Variants in USE1 observed in about 807,000 individuals in gnomAD.
USE1 encodes unconventional SNARE in the ER 1.
USE1 carries 32 observed loss-of-function variants against 37.6 expected under a neutral mutation model. The ratio of observed to expected loss-of-function variants is 0.85; its 90% CI spans 0.64 to 1.14. The LOEUF (loss-of-function observed/expected upper bound fraction) is 1.14. Among genes scored for constraint, USE1 ranks in the 50% most tolerant of loss-of-function variants. USE1 has a pLI of 0.00. For missense variants in USE1, 310 were observed against 332.2 expected, an observed-to-expected ratio of 0.93 and a Z score of 0.52; for synonymous variants, 149 against 137.6, an observed-to-expected ratio of 1.08 and a Z score of -0.58.
rs775944547 is a variant in USE1 at position 17,215,452 on chromosome 19, G to C, written c.47G>C (p.Arg16Pro). 18 of 1,563,190 alleles carry C rather than the reference G, an allele frequency of 1.2e-5. No individual in the cohort carries two copies. ...LELNLVRLLSRCEAMAAEKRD... is the reference protein window; with the variant it reads ...LELNLVRLLSPCEAMAAEKRD... ...CTAAACCTGGTGCGGCTGCTATCCCGCTGCGAGGCGATGGCAGCGGAGAAA... is the reference window on the plus strand; with the variant it reads ...CTAAACCTGGTGCGGCTGCTATCCCCCTGCGAGGCGATGGCAGCGGAGAAA... The change falls in exon 1 of 8, where the codon CGC (arginine) becomes CCC (proline). Residue 16 changes from arginine to proline, a missense_variant. Transcript: ENST00000263897.
Position 17,215,474 on chromosome 19 carries a change from G to A in USE1, c.69G>A (p.Glu23=), listed in dbSNP as rs767768753. The A allele has an allele frequency of 6.4e-7, 1 of 1,564,526 alleles. No individual in the cohort carries two copies. Among genetic ancestry groups the A allele is most frequent in the Non-Finnish European group, 8.6e-7 (1 of 1,156,124 alleles). ...LLSRCEAMAA[E]KRDPDEWRLE... ...CCCGCTGCGAGGCGATGGCAGCGGA[G>A]AAACGGGACCCGGACGAGTGGCGCC... The change falls in exon 1 of 8, where the codon GAG becomes GAA. Residue 23 remains glutamate, a synonymous_variant. Transcript: ENST00000263897.
chr19:17,217,567 C>T, intron 5 of USE1, 105 bp downstream of exon 5: 1 of 1,477,498 alleles, frequency 6.8e-7, no homozygotes, highest in Non-Finnish European at 9.2e-7. Flanking sequence ...TGCCCTGACT[C>T]CAACAGGAGC....
chr19:17,219,570 A>G, intron 7 of USE1, 61 bp from the exon 8 acceptor site: 1 of 1,528,640 alleles, frequency 6.5e-7, no homozygotes, highest in South Asian at 1.3e-5. Context: ...AGTCCCAGGG[A>G]AGTAGAGAGA....
intron 1 of USE1, 57 bp from the exon 2 acceptor site, chr19:17,215,745 T>A: frequency 7.4e-5 from 72 of 978,772 alleles, no homozygotes; most frequent in Non-Finnish European, 9.4e-5. Flanking sequence ...CCCCCCCGAC[T>A]CCCATGATCA....
At chr19:17,215,954 C>T (rs1483340118) in intron 2 of USE1, 38 bp from the exon 3 acceptor site, 1 of 1,584,324 alleles carries the variant, frequency 6.3e-7, no homozygotes, top group African/African-American at 1.3e-5. Context: ...AGCTGGGGAC[C>T]ATGGACAGGT....
At position 17,219,241 on chromosome 19, in the gene USE1, G is replaced by A. The variant is rs530644302; in HGVS notation, c.451G>A (p.Glu151Lys). Reference protein sequence around the residue: ...TGVAGSQPVSEKQLAAELDLV... With the variant: ...TGVAGSQPVSKKQLAAELDLV... ...AGTGGCAGGGTCCCAGCCAGTGAGT[G>A]AGAAGCAGTTGGCAGCTGAGCTAGA... Residue 151 changes from glutamate to lysine, a missense_variant, in exon 7 of 8, where the codon GAG becomes AAG. Transcript: ENST00000263897. 1.2e-6 allele frequency: 2 copies of A among 1,613,842 alleles called. No individual in the cohort carries two copies. The highest frequency in any genetic ancestry group is 2.2e-5 in the East Asian group (1 of 44,888).
At chr19:17,215,752 A>G (rs780728471) in intron 1 of USE1, 50 bp from the exon 2 acceptor site, 84 of 1,012,454 alleles carry the variant, frequency 8.3e-5, no homozygotes, top group Middle Eastern at 2.4e-4. Flanking sequence ...GACTCCCATG[A>G]TCAGGACATG....
chr19:17,219,399 G>T lies in USE1; in HGVS notation c.597+12G>T, dbSNP rs568959080. The T allele has an allele frequency of 5.2e-6, 8 of 1,548,782 alleles. No individual in the cohort carries two copies. The highest frequency in any genetic ancestry group is 3.9e-5 in the Admixed American group (2 of 50,892). On this transcript the variant is annotated intron_variant, in intron 7 of 7. Transcript: ENST00000263897. Reference sequence around the variant, plus strand: ...AGAAGGACAACCAGGTGTGGGGACTGGGGGAGCTCTCCAGCCTCTGCCCTG... The same window carrying T: ...AGAAGGACAACCAGGTGTGGGGACTTGGGGAGCTCTCCAGCCTCTGCCCTG...
At chr19:17,219,191 C>T (rs1291316000) in intron 6 of USE1, 22 bp from the exon 7 acceptor site, 1 of 1,604,106 alleles carries the variant, frequency 6.2e-7, no homozygotes, top group Non-Finnish European at 8.5e-7. Flanking sequence ...TCATGTCCTC[C>T]TCCCCCCGTG....
chr19:17,217,704 G>A (rs758716595), intron 5 of USE1: 1 of 562,408 alleles, frequency 1.8e-6, no homozygotes, highest in Non-Finnish European at 3.3e-6. Flanking sequence ...CTGAGGTCAG[G>A]AGTTTGAGAC....
rs1295153795 is a variant in USE1 at position 17,215,551 on chromosome 19, G to C, written c.102+44G>C. On this transcript the variant is annotated intron_variant, in intron 1 of 7. Transcript: ENST00000263897. The stretch of plus-strand genomic sequence containing the variant: ...GCCGCGTAGAGCCCGACTCCCGGGG[G>C]GTGATTCCTAGGGTTGGAAGCCACC... 4 of 1,543,648 alleles carry C rather than the reference G, an allele frequency of 2.6e-6. No homozygotes were observed. In the South Asian group the frequency reaches 4.8e-5, roughly 18 times the overall value.
intron 2 of USE1, 48 bp downstream of exon 2, chr19:17,215,899 T>C (rs1273741052): frequency 6.3e-7 from 1 of 1,591,946 alleles, no homozygotes; most frequent in Non-Finnish European, 8.6e-7. Flanking sequence ...GTGGCTGTGC[T>C]ACTGGACATC....
intron 1 of USE1, 96 bp downstream of exon 1, chr19:17,215,603 C>T (rs2145543315): frequency 1.4e-6 from 2 of 1,447,364 alleles, no homozygotes; most frequent in South Asian, 1.3e-5. Context: ...CCCCAGTAGC[C>T]TCTCGGGCAG....
intron 1 of USE1, 126 bp from the exon 2 acceptor site, chr19:17,215,676 G>T (rs571780325): frequency 3.1e-6 from 2 of 636,084 alleles, no homozygotes; most frequent in South Asian, 2.2e-5. Flanking sequence ...CTGGGACTCC[G>T]CCCCTCCCCC....
Position 17,215,397 on chromosome 19 carries a change from C to T in USE1, c.-9C>T, listed in dbSNP as rs377426184. 2.6e-6 allele frequency: 4 copies of T among 1,554,422 alleles called. No individual in the cohort carries two copies. Among genetic ancestry groups the T allele is most frequent in the Non-Finnish European group, 2.6e-6 (3 of 1,150,376 alleles). ...GCCGGCGGAAGGGGTGGTGTAGGGCCGGGCGATAATGGCGGCGTCGAGGCT... is the reference window on the plus strand; with the variant it reads ...GCCGGCGGAAGGGGTGGTGTAGGGCTGGGCGATAATGGCGGCGTCGAGGCT... On this transcript the variant is annotated 5_prime_UTR_variant, in exon 1 of 8. Transcript: ENST00000263897.
At chr19:17,216,419 C>T in intron 4 of USE1, 98 bp downstream of exon 4, 1 of 1,497,844 alleles carries the variant, frequency 6.7e-7, no homozygotes. Context: ...GATACAGGAA[C>T]CCTAAGGGGG....
rs59959709 is a variant in USE1 at position 17,219,403 on chromosome 19, G to C, written c.597+16G>C. The C allele has an allele frequency of 6.5e-7, 1 of 1,547,630 alleles. No individual in the cohort carries two copies. The highest frequency in any genetic ancestry group is 8.7e-7 in the Non-Finnish European group (1 of 1,143,776). On this transcript the variant is annotated intron_variant, in intron 7 of 7. Transcript: ENST00000263897. ...GGACAACCAGGTGTGGGGACTGGGG[G>C]AGCTCTCCAGCCTCTGCCCTGGGGC...
rs116643434 is a variant in USE1, at chr19:17,216,249, C to T, written c.312C>T (p.Pro104=). Residue 104 remains proline (P), a synonymous_variant, in exon 4 of 8, where the codon CCC becomes CCT. Coordinates refer to ENST00000263897, the MANE Select transcript of USE1 (RefSeq NM_018467.4). ...RVPTTARERV[P]ATKTVHLQSR... The stretch of plus-strand genomic sequence containing the variant: ...CAACCACAGCCAGAGAGCGAGTGCC[C>T]GCCACAAAGACGGTGCATCTGCAGT... 2,352 of 1,613,088 alleles carry T rather than the reference C, an allele frequency of 1.5e-3. 18 individuals are homozygous for T. In the African/African-American group the frequency reaches 0.026, roughly 18 times the overall value.
chr19:17,219,800 C>T lies in USE1; in HGVS notation c.767C>T (p.Pro256Leu), dbSNP rs1212862092. The change falls in exon 8 of 8, where the codon CCT (proline) becomes CTT (leucine). Residue 256 changes from proline to leucine, a missense_variant. Transcript: ENST00000263897. ...ATGATCCTCTTCATTCGAATCATGC[C>T]TAAACTCAAATAAAGACCCCCGCCC... ...ISMILFIRIM[P>L]KLK is the part of the protein sequence containing the mutation. The T allele has an allele frequency of 1.6e-5, 26 of 1,592,546 alleles. No individual in the cohort carries two copies. The highest frequency in any genetic ancestry group is 2.2e-5 in the Non-Finnish European group (26 of 1,167,576).
Sources: allele counts gnomAD v4.1 joint callset, GRCh38; gene constraint gnomAD v4.1.1; transcripts MANE v1.5; gene names NCBI Gene and HGNC (gene_info 2026-07-23, HGNC 2026-07-21).